FHOD3: variants seen among roughly 807,000 people sequenced by gnomAD.
The protein encoded by FHOD3 is FH1/FH2 domain-containing protein 3.
In FHOD3, 90 loss-of-function variants were observed where a neutral mutation model predicts 173.0. The observed-to-expected ratio is 0.52, with a 90% CI of 0.44 to 0.62. The LOEUF is 0.62. FHOD3 is among the 20% of genes least tolerant of loss of function. The pLI, the probability that FHOD3 is intolerant of heterozygous loss-of-function variation, is 0.00. For missense variants in FHOD3, 1,945 were observed against 2,034.7 expected (o/e 0.96, Z 0.85); for synonymous variants, 828 against 823.0 (o/e 1.01, Z -0.10).
chr18:36,673,510 G>A (rs1457813260), intron 14 of FHOD3, among the ~76,000 whole-genome samples: 3 of 152,134 alleles, frequency 2.0e-5, no homozygotes, highest in African/African-American at 7.2e-5. Context: ...GGGAACCTGA[G>A]TAAAGTATTC....
chr18:36,685,130 G>A (rs1181161206), intron 15 of FHOD3, among the ~76,000 whole-genome samples: 1 of 152,176 alleles, frequency 6.6e-6, no homozygotes, highest in African/African-American at 2.4e-5. Context: ...CAGGAATTAT[G>A]TTATTCATAT....
At chr18:36,715,294 G>A (rs2040387947) in intron 18 of FHOD3, among the ~76,000 whole-genome samples, 1 of 152,124 alleles carries the variant, frequency 6.6e-6, no homozygotes, top group South Asian at 2.1e-4. Context: ...GTTTTTTAAG[G>A]CGCTTCCCTC....
At chr18:36,546,353 T>C (rs1490528517) in intron 5 of FHOD3, among the ~76,000 whole-genome samples, 2 of 152,242 alleles carry the variant, frequency 1.3e-5, no homozygotes, top group East Asian at 1.9e-4. Context: ...CGCAGTTCCT[T>C]ACATGTGTAC....
intron 8 of FHOD3, among the ~76,000 whole-genome samples, chr18:36,607,411 T>C (rs2148558346): frequency 6.6e-6 from 1 of 152,302 alleles, no homozygotes; most frequent in Admixed American, 6.5e-5. Context: ...CGCTGGTGCC[T>C]GTCCAGAAAC....
intron 2 of FHOD3, among the ~76,000 whole-genome samples, chr18:36,358,352 G>A (rs1482172462): frequency 6.6e-6 from 1 of 152,232 alleles, no homozygotes; most frequent in Non-Finnish European, 1.5e-5. Context: ...TGACACTACA[G>A]TTCACCTGGG....
chr18:36,549,579 C>T (rs1383212495), intron 5 of FHOD3, among the ~76,000 whole-genome samples: 40 of 134,854 alleles, frequency 3.0e-4, no homozygotes, highest in Non-Finnish European at 6.2e-5. Context: ...GCTCTGTTAC[C>T]CAGGCTGGAG....
In FHOD3 at chr18:36,780,008, A is replaced by C. The variant is rs1027275314; in HGVS notation, c.*478A>C. On this transcript the variant is annotated 3_prime_UTR_variant, in exon 29 of 29. Transcript: ENST00000590592. ...ATGTAACAAATGTTTATACAAATAC[A>C]TACATGTACACCATGTTTCAAATAC... 1 of 561,674 alleles carries C rather than the reference A, an allele frequency of 1.8e-6. No homozygotes were observed. 34.8% of individuals were successfully genotyped at this position (561,674 alleles called of 1,614,324 possible). A position where few individuals can be genotyped will look rare whatever the true frequency, so the allele number is the denominator to read the frequency against.
At chr18:36,454,661 A>ATTT (rs3058099) in intron 3 of FHOD3, among the ~76,000 whole-genome samples, 18 of 146,072 alleles carry the variant, frequency 1.2e-4, no homozygotes, top group East Asian at 1.0e-3. Context: ...TGTCCGTTCC[A>ATTT]TTTTTTTTTT....
chr18:36,693,148 C>G (rs74480696), intron 16 of FHOD3, 61 bp from the exon 17 acceptor site: 42,469 of 1,495,982 alleles, frequency 0.028, 691 homozygotes, highest in Middle Eastern at 0.038. Flanking sequence ...CATCCATAAA[C>G]AAGCATCAGC....
intron 5 of FHOD3, among the ~76,000 whole-genome samples, chr18:36,540,169 G>C (rs2057151041): frequency 6.6e-6 from 1 of 152,204 alleles, no homozygotes; most frequent in Non-Finnish European, 1.5e-5. Context: ...TGCATCTCAA[G>C]AATGCCCAAT....
chr18:36,647,966 G>T (rs1418232221), intron 10 of FHOD3, among the ~76,000 whole-genome samples: 1 of 152,144 alleles, frequency 6.6e-6, no homozygotes, highest in African/African-American at 2.4e-5. Flanking sequence ...TCAGTGGTTT[G>T]TGTACTTTTC....
At chr18:36,646,693 A>G (rs2035707753) in intron 10 of FHOD3, among the ~76,000 whole-genome samples, 1 of 152,222 alleles carries the variant, frequency 6.6e-6, no homozygotes, top group Non-Finnish European at 1.5e-5. Context: ...TCAATTAGAG[A>G]TGGACTCTAC....
chr18:36,556,674 T>G (rs1194841266), intron 5 of FHOD3, among the ~76,000 whole-genome samples: 1 of 152,228 alleles, frequency 6.6e-6, no homozygotes, highest in South Asian at 2.1e-4. Context: ...AACACTGTTA[T>G]TTTTCTGTTT....
At chr18:36,602,805 TA>T in intron 8 of FHOD3, 37 bp downstream of exon 8, 1 of 1,480,776 alleles carries the variant, frequency 6.8e-7, no homozygotes, top group Non-Finnish European at 9.4e-7. Context: ...TTGCGTCACC[TA>T]AAAAGATATG....
At chr18:36,390,970 C>T (rs1267371087) in intron 3 of FHOD3, among the ~76,000 whole-genome samples, 1 of 152,236 alleles carries the variant, frequency 6.6e-6, no homozygotes, top group East Asian at 1.9e-4. Context: ...TTTCTTTCCT[C>T]TTGCCCCAGA....
intron 5 of FHOD3, among the ~76,000 whole-genome samples, chr18:36,530,223 A>G (rs1169768743): frequency 6.6e-6 from 1 of 152,220 alleles, no homozygotes; most frequent in African/African-American, 2.4e-5. Flanking sequence ...CACTCAGCTT[A>G]AAATAAGAAG....
At chr18:36,526,217 A>G (rs139131623) in intron 5 of FHOD3, among the ~76,000 whole-genome samples, 2,369 of 152,386 alleles carry the variant, frequency 0.016, 52 homozygotes, top group African/African-American at 0.052. Flanking sequence ...CATCTAAGTA[A>G]AAGTGGATAG....
At chr18:36,726,799 C>T (rs537716079) in intron 19 of FHOD3, among the ~76,000 whole-genome samples, 5 of 152,210 alleles carry the variant, frequency 3.3e-5, no homozygotes, top group East Asian at 3.9e-4. Flanking sequence ...CTCAGCCTCC[C>T]GAGTAGCTGG....
chr18:36,766,173 CT>C (rs2043131506), intron 27 of FHOD3, among the ~76,000 whole-genome samples: 1 of 152,226 alleles, frequency 6.6e-6, no homozygotes, highest in East Asian at 1.9e-4. Context: ...GGAATGATAT[CT>C]TTAAACTGCC....
Sources: allele counts gnomAD v4.1 joint callset (sites outside exome capture counted in the v4.1 genomes callset), GRCh38; gene constraint gnomAD v4.1.1; transcripts MANE v1.5; gene names NCBI Gene and HGNC (gene_info 2026-07-23, HGNC 2026-07-21).